LYRM7: variants seen among roughly 807,000 people sequenced by gnomAD.
The protein encoded by LYRM7 is complex III assembly factor LYRM7.
LYRM7 carries 9 observed loss-of-function variants against 15.8 expected under a neutral mutation model. That is an observed-to-expected ratio of 0.57 (90% CI 0.34 to 0.99). The LOEUF is 0.99. LYRM7 is among the 50% of genes least tolerant of loss of function. The probability of loss-of-function intolerance (pLI) is 0.02; values close to 1 mark genes in which losing one functional copy is unlikely to be tolerated. For missense variants in LYRM7, 115 were observed against 119.1 expected (o/e 0.97, Z 0.16); for synonymous variants, 39 against 39.4 (o/e 0.99, Z 0.04).
In LYRM7 at chr5:131,200,669, G is replaced by A. The variant is rs1022553622; in HGVS notation, c.*1068G>A. On this transcript the variant is annotated 3_prime_UTR_variant, in exon 5 of 5. Coordinates refer to ENST00000379380, the MANE Select transcript of LYRM7 (RefSeq NM_181705.4). The stretch of plus-strand genomic sequence containing the variant: ...GTTATGTATCTAGAAATTATACCTA[G>A]AGAAAAATGAAAGTCGTTTCAAATT... 3.3e-5 allele frequency: 5 copies of A among 152,110 alleles called. No homozygotes were observed. Among genetic ancestry groups the A allele is most frequent in the African/African-American group, 1.2e-4 (5 of 41,274 alleles). 9.4% of individuals were successfully genotyped at this position (152,110 alleles called of 1,614,324 possible).
Position 131,202,909 on chromosome 5 carries a change from T to C in LYRM7, c.*3308T>C, listed in dbSNP as rs1253318468. The C allele has an allele frequency of 1.3e-5, 2 of 152,360 alleles. No individual in the cohort carries two copies. The highest frequency in any genetic ancestry group is 4.8e-5 in the African/African-American group (2 of 41,444). 9.4% of individuals were successfully genotyped at this position (152,360 alleles called of 1,614,324 possible). A position where few individuals can be genotyped will look rare whatever the true frequency, so the allele number is the denominator to read the frequency against. On this transcript the variant is annotated 3_prime_UTR_variant, in exon 5 of 5. Transcript: ENST00000379380. ...GTCAGATTTGAGAAGCATATGTAGA[T>C]TCGAAGCTGGGGGAATATGGCAGGT...
At position 131,181,332 on chromosome 5, in the gene LYRM7, T is replaced by C. The variant is rs1448066478; in HGVS notation, c.92-897T>C. On this transcript the variant is annotated intron_variant, in intron 2 of 4. Transcript: ENST00000379380. ...ATATATATATACACACACACACACA[T>C]ATATATAACATATATGTTATATATA... is the stretch of plus-strand genomic sequence containing the variant. 1.3e-3 allele frequency among the ~76,000 whole-genome samples: 81 copies of C among 63,628 alleles called. 2 individuals carry two copies. The highest frequency in any genetic ancestry group is 3.9e-3 in the South Asian group (7 of 1,810). 41.7% of individuals were successfully genotyped at this position (63,628 alleles called of 152,430 possible).
chr5:131,175,386 A>G (rs1028177949), intron 1 of LYRM7, among the ~76,000 whole-genome samples: 1 of 150,454 alleles, frequency 6.6e-6, no homozygotes, highest in African/African-American at 2.4e-5. Flanking sequence ...TTTAGTAGAG[A>G]TGGGGTTTCT....
intron 4 of LYRM7, among the ~76,000 whole-genome samples, chr5:131,196,288 A>C (rs1441813126): frequency 2.6e-5 from 4 of 151,636 alleles, no homozygotes; most frequent in African/African-American, 4.8e-5. Context: ...AAGTACTAGG[A>C]GTATAGGTGT....
At position 131,200,438 on chromosome 5, in the gene LYRM7, A is replaced by G. The variant is rs1756042461; in HGVS notation, c.*837A>G. The G allele has an allele frequency of 6.6e-6, 1 of 152,366 alleles. No homozygotes were observed. Among genetic ancestry groups the G allele is most frequent in the Non-Finnish European group, 1.5e-5 (1 of 68,036 alleles). The allele number at this position is 152,366 out of a possible 1,614,324, so 9.4% of individuals were successfully genotyped here. A position where few individuals can be genotyped will look rare whatever the true frequency, so the allele number is the denominator to read the frequency against. On this transcript the variant is annotated 3_prime_UTR_variant, in exon 5 of 5. Transcript: ENST00000379380. ...TCCTGTCCTTGACAAGATGGGCAGT[A>G]TCACAAAAGGTCCTGGCATTCTACC...
Position 131,203,015 on chromosome 5 carries a change from A to C in LYRM7, c.*3414A>C, listed in dbSNP as rs1189453328. On this transcript the variant is annotated 3_prime_UTR_variant, in exon 5 of 5. Coordinates refer to ENST00000379380, the MANE Select transcript of LYRM7 (RefSeq NM_181705.4). ...TTTAAGTTAGTTCTTATTTTCCTGT[A>C]GATGCATCTCACAGCATCAGTACAA... 6.6e-6 allele frequency: 1 copy of C among 152,376 alleles called. No individual in the cohort carries two copies. The highest frequency in any genetic ancestry group is 1.5e-5 in the Non-Finnish European group (1 of 68,042). The allele number at this position is 152,376 out of a possible 1,614,324, so 9.4% of individuals were successfully genotyped here.
intron 4 of LYRM7, among the ~76,000 whole-genome samples, chr5:131,196,869 G>A (rs548928849): frequency 4.6e-5 from 7 of 152,156 alleles, no homozygotes; most frequent in African/African-American, 1.7e-4. Flanking sequence ...TGTTGGCCAG[G>A]CTGGTCTCGA....
intron 3 of LYRM7, among the ~76,000 whole-genome samples, chr5:131,182,779 C>T (rs1755734833): frequency 6.6e-6 from 1 of 152,156 alleles, no homozygotes; most frequent in Non-Finnish European, 1.5e-5. Flanking sequence ...TAGTTGAAGA[C>T]ACTGTACAGA....
At chr5:131,182,442 T>C in intron 3 of LYRM7, 143 bp downstream of exon 3, 1 of 798,852 alleles carries the variant, frequency 1.3e-6, no homozygotes, top group Non-Finnish European at 1.7e-6. Flanking sequence ...TTCACTTATT[T>C]GGTATGGCTC....
At chr5:131,190,890 G>C (rs182572195) in intron 4 of LYRM7, among the ~76,000 whole-genome samples, 2 of 152,182 alleles carry the variant, frequency 1.3e-5, no homozygotes, top group Non-Finnish European at 2.9e-5. Flanking sequence ...TAGAGTTTCT[G>C]TGTAGTATAG....
intron 1 of LYRM7, among the ~76,000 whole-genome samples, chr5:131,179,619 C>T (rs1755659141): frequency 6.6e-6 from 1 of 151,744 alleles, no homozygotes; most frequent in Non-Finnish European, 1.5e-5. Flanking sequence ...CAGGTGCACA[C>T]CACCATGGCC....
chr5:131,176,045 C>A (rs1464681702), intron 1 of LYRM7, among the ~76,000 whole-genome samples: 1 of 152,232 alleles, frequency 6.6e-6, no homozygotes, highest in Admixed American at 6.5e-5. Flanking sequence ...CAGGCGTGAG[C>A]CACTGCATCA....
chr5:131,204,224 G>A lies in LYRM7; in HGVS notation c.*4623G>A, dbSNP rs1756129097. ...AGTAGAGACTTGAGCCACCACACCTGACTATAGGGCCTTTTTGAAAGGAAA... is the reference window on the plus strand; with the variant it reads ...AGTAGAGACTTGAGCCACCACACCTAACTATAGGGCCTTTTTGAAAGGAAA... On this transcript the variant is annotated 3_prime_UTR_variant, in exon 5 of 5. Transcript: ENST00000379380. 1 of 151,464 alleles carries A rather than the reference G, an allele frequency of 6.6e-6. No homozygotes were observed. The highest frequency in any genetic ancestry group is 2.4e-5 in the African/African-American group (1 of 41,234). 9.4% of individuals were successfully genotyped at this position (151,464 alleles called of 1,614,324 possible).
At chr5:131,197,820 C>T (rs1439374082) in intron 4 of LYRM7, among the ~76,000 whole-genome samples, 3 of 150,332 alleles carry the variant, frequency 2.0e-5, no homozygotes, top group East Asian at 3.9e-4. Flanking sequence ...GCCAGAATTA[C>T]AGGCATGAGC....
chr5:131,190,065 C>T (rs1300418136), intron 4 of LYRM7, among the ~76,000 whole-genome samples: 5 of 147,908 alleles, frequency 3.4e-5, no homozygotes, highest in Non-Finnish European at 7.4e-5. Context: ...GCCTGAGAGG[C>T]GGATATTGCA....
intron 3 of LYRM7, among the ~76,000 whole-genome samples, chr5:131,185,839 G>C (rs1017848483): frequency 6.6e-6 from 1 of 152,152 alleles, no homozygotes; most frequent in Non-Finnish European, 1.5e-5. Flanking sequence ...AAGCTATCAA[G>C]CTTACCCTGG....
chr5:131,190,348 G>A (rs543396221), intron 4 of LYRM7, among the ~76,000 whole-genome samples: 5 of 150,730 alleles, frequency 3.3e-5, no homozygotes, highest in East Asian at 2.0e-4. Flanking sequence ...AGCGTGTACC[G>A]CCACACCCAG....
chr5:131,181,540 A>C (rs1387665388), intron 2 of LYRM7, among the ~76,000 whole-genome samples: 8 of 147,284 alleles, frequency 5.4e-5, no homozygotes, highest in Non-Finnish European at 1.0e-4. Flanking sequence ...AATTATCAAC[A>C]TGGAATATTT....
Position 131,199,510 on chromosome 5 carries a change from TC to T in LYRM7, c.245-20del. 10 of 1,501,662 alleles carry T rather than the reference TC, an allele frequency of 6.7e-6. No individual in the cohort carries two copies. Among genetic ancestry groups the T allele is most frequent in the Admixed American group, 4.0e-5 (2 of 50,062 alleles). 93.0% of individuals were successfully genotyped at this position (1,501,662 alleles called of 1,614,324 possible). ...CTAATTTTAGTGATGTTAATTATTCTCTTTTTTTTTTTTCTTTCAGAACTGG... is the reference window on the plus strand; with the variant it reads ...CTAATTTTAGTGATGTTAATTATTCTTTTTTTTTTTTTCTTTCAGAACTGG... On this transcript the variant is annotated intron_variant, in intron 4 of 4. Transcript: ENST00000379380.
Sources: allele counts gnomAD v4.1 joint callset (sites outside exome capture counted in the v4.1 genomes callset), GRCh38; gene constraint gnomAD v4.1.1; transcripts MANE v1.5; gene names NCBI Gene and HGNC (gene_info 2026-07-23, HGNC 2026-07-21).